Variants in RCBTB1 observed in about 807,000 individuals in gnomAD.
RCBTB1 encodes RCC1 and BTB domain-containing protein 1.
In RCBTB1, 46 loss-of-function variants were observed where a neutral mutation model predicts 62.4. That is an observed-to-expected ratio of 0.74 (90% CI 0.58 to 0.94). The LOEUF is 0.94. Ranked by LOEUF, RCBTB1 falls within the 40% of genes least tolerant of loss-of-function variation. RCBTB1 has a pLI of 0.00. For synonymous variants in RCBTB1, 222 were observed against 245.8 expected, an observed-to-expected ratio of 0.90 and a Z score of 0.91; for missense variants, 565 against 654.9, an observed-to-expected ratio of 0.86 and a Z score of 1.50.
intron 4 of RCBTB1, among the ~76,000 whole-genome samples, chr13:49,562,937 T>A (rs1962567289): frequency 6.6e-6 from 1 of 151,698 alleles, no homozygotes; most frequent in East Asian, 1.9e-4. Flanking sequence ...CAAGGGAAAC[T>A]ATTCATGAAA....
At chr13:49,565,872 G>A (rs2137311654) in intron 4 of RCBTB1, among the ~76,000 whole-genome samples, 1 of 151,950 alleles carries the variant, frequency 6.6e-6, no homozygotes, top group African/African-American at 2.4e-5. Flanking sequence ...TGCTGTGTCT[G>A]TGTAGAAAGA....
At chr13:49,563,283 T>C (rs921457425) in intron 4 of RCBTB1, among the ~76,000 whole-genome samples, 5 of 122,062 alleles carry the variant, frequency 4.1e-5, no homozygotes, top group African/African-American at 1.6e-4. Context: ...GCCCAGGAGG[T>C]CAAGGTTGCA....
intron 2 of RCBTB1, among the ~76,000 whole-genome samples, chr13:49,573,881 T>TCAAG (rs1963585540): frequency 6.6e-6 from 1 of 150,400 alleles, no homozygotes; most frequent in African/African-American, 2.5e-5. Context: ...CCTCATCAGT[T>TCAAG]CAAGCAATTC....
rs990619114 is a variant in RCBTB1, at chr13:49,566,892, G to A, written c.127-124C>T. ...TCAGGAGGTGAAAAGAGACTGATAT[G>A]GTTGTTAAGAAAAATTCAACCTCTG... On this transcript the variant is annotated intron_variant, in intron 3 of 12. Coordinates refer to ENST00000378302, the MANE Select transcript of RCBTB1 (RefSeq NM_018191.4). 5 of 975,340 alleles carry A rather than the reference G, an allele frequency of 5.1e-6. No individual in the cohort carries two copies. The African/African-American group carries it at 8.2e-5, about 16-fold the overall frequency. 60.4% of individuals were successfully genotyped at this position (975,340 alleles called of 1,614,324 possible). A position where few individuals can be genotyped will look rare whatever the true frequency, so the allele number is the denominator to read the frequency against.
At chr13:49,553,831 A>C (rs752188155) in intron 6 of RCBTB1, among the ~76,000 whole-genome samples, 3 of 152,226 alleles carry the variant, frequency 2.0e-5, no homozygotes, top group Non-Finnish European at 4.4e-5. Flanking sequence ...GGCAATGGCT[A>C]TCAGTATTTC....
chr13:49,582,175 A>G (rs994536197), intron 1 of RCBTB1, among the ~76,000 whole-genome samples: 2 of 152,214 alleles, frequency 1.3e-5, no homozygotes, highest in Non-Finnish European at 2.9e-5. Flanking sequence ...GTAGCAGGGA[A>G]TGGGATCTGA....
At chr13:49,551,596 G>A (rs978055115) in intron 7 of RCBTB1, 128 bp from the exon 8 acceptor site, 8 of 1,090,458 alleles carry the variant, frequency 7.3e-6, no homozygotes, top group Admixed American at 2.7e-5. Flanking sequence ...GACATTTGCT[G>A]GAACATTAAA....
chr13:49,533,938 A>G lies in RCBTB1; in HGVS notation c.*184T>C. The G allele has an allele frequency of 2.0e-6, 1 of 510,640 alleles. No individual in the cohort carries two copies. The highest frequency in any genetic ancestry group is 3.4e-6 in the Non-Finnish European group (1 of 297,200). 31.6% of individuals were successfully genotyped at this position (510,640 alleles called of 1,614,324 possible). On this transcript the variant is annotated 3_prime_UTR_variant, in exon 13 of 13. Coordinates refer to ENST00000378302, the MANE Select transcript of RCBTB1 (RefSeq NM_018191.4). ...CTTATCTGGAAACAAGGGTTGTTTA[A>G]AATGGGCTCAAGAAAAGCCGTACAC...
At chr13:49,576,883 GAAAGA>G (rs1320266319) in intron 2 of RCBTB1, among the ~76,000 whole-genome samples, 1 of 152,066 alleles carries the variant, frequency 6.6e-6, no homozygotes, top group Non-Finnish European at 1.5e-5. Flanking sequence ...AGGGTGCAAG[GAAAGA>G]AAAGAGGAAC....
intron 6 of RCBTB1, among the ~76,000 whole-genome samples, chr13:49,553,314 A>C (rs1406553488): frequency 6.6e-6 from 1 of 152,234 alleles, no homozygotes; most frequent in Non-Finnish European, 1.5e-5. Flanking sequence ...ACAGTATGAA[A>C]GATGATGGAG....
chr13:49,567,287 G>A lies in RCBTB1; in HGVS notation c.-8C>T. 6.2e-7 allele frequency: 1 copy of A among 1,613,532 alleles called. No homozygotes were observed. The highest frequency in any genetic ancestry group is 8.5e-7 in the Non-Finnish European group (1 of 1,179,766). On this transcript the variant is annotated 5_prime_UTR_variant, in exon 3 of 13. Coordinates refer to ENST00000378302, the MANE Select transcript of RCBTB1 (RefSeq NM_018191.4). Reference sequence around the variant, plus strand: ...CTTTCCGACATCCACCATGACTCTGGCTTCAAGCAATTCCTATAAATAAGC... The same window carrying A: ...CTTTCCGACATCCACCATGACTCTGACTTCAAGCAATTCCTATAAATAAGC...
At chr13:49,550,413 T>A in intron 8 of RCBTB1, 77 of 983,866 alleles carry the variant, frequency 7.8e-5, no homozygotes, top group Non-Finnish European at 9.3e-5. Context: ...AAACTTACTA[T>A]ATTTCTCAGT....
At chr13:49,557,385 A>C (rs1424202016) in intron 5 of RCBTB1, among the ~76,000 whole-genome samples, 1 of 152,218 alleles carries the variant, frequency 6.6e-6, no homozygotes, top group Non-Finnish European at 1.5e-5. Flanking sequence ...GAGATGGTAC[A>C]AAAGATTAGA....
At chr13:49,559,492 T>TA (rs1163512714) in intron 5 of RCBTB1, among the ~76,000 whole-genome samples, 1 of 151,818 alleles carries the variant, frequency 6.6e-6, no homozygotes, top group Non-Finnish European at 1.5e-5. Context: ...CTGTCTCTAC[T>TA]AAAAATACAA....
chr13:49,567,129 A>G (rs1963073925), intron 3 of RCBTB1, 25 bp downstream of exon 3: 10 of 1,611,748 alleles, frequency 6.2e-6, no homozygotes, highest in Non-Finnish European at 8.5e-6. Context: ...TCCTAAAACG[A>G]AACTAGGTTT....
Position 49,567,148 on chromosome 13 carries a change from T to C in RCBTB1, c.126+6A>G, listed in dbSNP as rs768127883. On this transcript the variant is annotated splice_donor_region_variant and intron_variant, in intron 3 of 12. Transcript: ENST00000378302. The stretch of plus-strand genomic sequence containing the variant: ...AAAACGAAACTAGGTTTCAAGAGAC[T>C]CTTACCTCATCATTGTCAGTAACGT... 1.4e-5 allele frequency: 22 copies of C among 1,613,540 alleles called. No individual in the cohort carries two copies. The highest frequency in any genetic ancestry group is 1.7e-5 in the Non-Finnish European group (20 of 1,179,834).
intron 3 of RCBTB1, 140 bp downstream of exon 3, chr13:49,567,010 GAGAA>G: frequency 1.3e-6 from 1 of 797,076 alleles, no homozygotes; most frequent in Non-Finnish European, 1.9e-6. Context: ...ACTGAAAAAA[GAGAA>G]ACTATCAAAG....
At chr13:49,559,527 G>A (rs993435539) in intron 5 of RCBTB1, among the ~76,000 whole-genome samples, 2 of 151,942 alleles carry the variant, frequency 1.3e-5, no homozygotes, top group Non-Finnish European at 2.9e-5. Context: ...GTGGTGGTGG[G>A]TGCCTGTAGT....
At chr13:49,546,875 C>A (rs1960829481) in intron 9 of RCBTB1, 1 of 848,102 alleles carries the variant, frequency 1.2e-6, no homozygotes, top group African/African-American at 1.8e-5. Context: ...GGCCACGGAC[C>A]AGTACAGGCA....
Sources: gnomAD v4.1 joint callset for allele counts (sites outside exome capture counted in the v4.1 genomes callset) on GRCh38, gnomAD v4.1.1 for gene constraint, MANE v1.5 for transcripts, NCBI Gene and HGNC (gene_info 2026-07-23, HGNC 2026-07-21) for gene names.